The following ADGRL3 variants were observed in gnomAD, a reference collection of about 807,000 sequenced individuals.
ADGRL3 encodes calcium-independent alpha-latrotoxin receptor 3.
ADGRL3 carries 62 observed loss-of-function variants against 153.5 expected under a neutral mutation model. That is an observed-to-expected ratio of 0.40 (90% CI 0.33 to 0.50). ADGRL3 has a LOEUF of 0.50. Ranked by LOEUF, ADGRL3 falls within the 20% of genes least tolerant of loss-of-function variation. ADGRL3 has a pLI of 0.47. For missense variants in ADGRL3, 1,641 were observed against 1,859.4 expected, an observed-to-expected ratio of 0.88 and a Z score of 2.16; for synonymous variants, 710 against 672.5, an observed-to-expected ratio of 1.06 and a Z score of -0.86.
At chr4:61,444,651 T>C (rs1403043230) in intron 2 of ADGRL3, among the ~76,000 whole-genome samples, 1 of 152,140 alleles carries the variant, frequency 6.6e-6, no homozygotes, top group Non-Finnish European at 1.5e-5. Context: ...TTTTTTTTTA[T>C]TAGGCTGAAA....
chr4:61,792,631 A>T (rs2152439990), intron 8 of ADGRL3, among the ~76,000 whole-genome samples: 1 of 151,994 alleles, frequency 6.6e-6, no homozygotes, highest in African/African-American at 2.4e-5. Flanking sequence ...CTGGGATTAC[A>T]GGTGCATGCC....
chr4:62,064,287 C>T (rs183922988), intron 25 of ADGRL3, among the ~76,000 whole-genome samples: 236 of 151,816 alleles, frequency 1.6e-3, no homozygotes, highest in African/African-American at 5.3e-3. Context: ...AGTATGGTTC[C>T]TCTGTACATC....
chr4:61,487,634 T>C (rs189973170), intron 2 of ADGRL3, among the ~76,000 whole-genome samples: 1 of 152,226 alleles, frequency 6.6e-6, no homozygotes, highest in African/African-American at 2.4e-5. Flanking sequence ...ATCATAAAAA[T>C]CAATCCTTGA....
intron 17 of ADGRL3, among the ~76,000 whole-genome samples, chr4:61,954,581 G>A (rs757287680): frequency 1.9e-4 from 29 of 151,724 alleles, no homozygotes; most frequent in Non-Finnish European, 4.0e-4. Flanking sequence ...TCAAATCTTG[G>A]CCCGCATTAG....
intron 1 of ADGRL3, among the ~76,000 whole-genome samples, chr4:61,373,104 A>G (rs540465846): frequency 1.3e-5 from 2 of 151,934 alleles, no homozygotes; most frequent in Non-Finnish European, 2.9e-5. Flanking sequence ...GGGTGCGCAC[A>G]CTCACTGACC....
At chr4:61,977,758 G>A (rs1333076271) in intron 17 of ADGRL3, among the ~76,000 whole-genome samples, 1 of 152,062 alleles carries the variant, frequency 6.6e-6, no homozygotes, top group African/African-American at 2.4e-5. Context: ...ACCTGGATAT[G>A]TGTTTTTTAA....
rs938970685 is a variant in ADGRL3, at chr4:61,200,834, A to T, written c.-1171A>T. Among the ~76,000 whole-genome samples the T allele has an allele frequency of 6.6e-6, 1 of 151,094 alleles. No homozygotes were observed. The highest frequency in any genetic ancestry group is 1.5e-5 in the Non-Finnish European group (1 of 67,736). ...CCCGGGGCCGCGCGATGAAGCTCCC[A>T]CATGCCCGCAGCTGCCCGGCCCGGC... On this transcript the variant is annotated 5_prime_UTR_variant, in exon 1 of 27. Transcript: ENST00000683033.
At chr4:61,584,143 T>C (rs2098936963) in intron 4 of ADGRL3, among the ~76,000 whole-genome samples, 1 of 152,016 alleles carries the variant, frequency 6.6e-6, no homozygotes, top group Admixed American at 6.6e-5. Flanking sequence ...TTAAAAGTAA[T>C]TTAAATAGCT....
At chr4:61,273,309 G>A (rs988227180) in intron 1 of ADGRL3, among the ~76,000 whole-genome samples, 2 of 152,194 alleles carry the variant, frequency 1.3e-5, no homozygotes, top group Middle Eastern at 3.4e-3. Flanking sequence ...AAGGAATTAC[G>A]CAATATAGTG....
chr4:61,819,617 C>T (rs1298654141), intron 9 of ADGRL3, among the ~76,000 whole-genome samples: 2 of 151,940 alleles, frequency 1.3e-5, no homozygotes, highest in African/African-American at 4.8e-5. Flanking sequence ...ACTTAATTTT[C>T]TGTTATTCAT....
At chr4:61,575,894 G>C in intron 4 of ADGRL3, among the ~76,000 whole-genome samples, 1 of 151,928 alleles carries the variant, frequency 6.6e-6, no homozygotes, top group Non-Finnish European at 1.5e-5. Flanking sequence ...ACTTTCTATT[G>C]ATTTTTTTGT....
chr4:61,450,122 C>T (rs1323446900), intron 2 of ADGRL3, among the ~76,000 whole-genome samples: 1 of 152,124 alleles, frequency 6.6e-6, no homozygotes, highest in East Asian at 1.9e-4. Flanking sequence ...TATACAGTCA[C>T]TCAACCAAAG....
chr4:61,938,527 A>G (rs1404129961), intron 15 of ADGRL3, among the ~76,000 whole-genome samples: 1 of 152,162 alleles, frequency 6.6e-6, no homozygotes, highest in Non-Finnish European at 1.5e-5. Context: ...CCCAGAAGAT[A>G]TACTAGAGCA....
intron 2 of ADGRL3, among the ~76,000 whole-genome samples, chr4:61,411,453 G>A (rs1439661897): frequency 6.6e-6 from 1 of 152,028 alleles, no homozygotes; most frequent in East Asian, 1.9e-4. Flanking sequence ...AATTTTCCAG[G>A]CATCCCTCCT....
At chr4:61,653,726 T>A (rs1247544414) in intron 5 of ADGRL3, among the ~76,000 whole-genome samples, 3 of 152,288 alleles carry the variant, frequency 2.0e-5, no homozygotes, top group African/African-American at 4.8e-5. Context: ...ACCAGCAAAC[T>A]TTTTTCCATT....
chr4:61,352,216 A>G (rs1192512046), intron 1 of ADGRL3, among the ~76,000 whole-genome samples: 3 of 152,196 alleles, frequency 2.0e-5, no homozygotes, highest in Non-Finnish European at 2.9e-5. Flanking sequence ...AGAATTACCA[A>G]TGGAGATGGA....
At chr4:62,031,682 C>A in intron 23 of ADGRL3, 72 bp downstream of exon 23, 1 of 1,004,314 alleles carries the variant, frequency 1.0e-6, no homozygotes, top group Non-Finnish European at 1.5e-6. Context: ...ACAACATATT[C>A]TAATATATTA....
At chr4:61,640,989 A>C in intron 5 of ADGRL3, among the ~76,000 whole-genome samples, 1 of 152,166 alleles carries the variant, frequency 6.6e-6, no homozygotes, top group South Asian at 2.1e-4. Context: ...TTTGATCACT[A>C]TATATTGTTT....
intron 1 of ADGRL3, among the ~76,000 whole-genome samples, chr4:61,370,064 T>A (rs991191500): frequency 2.2e-4 from 33 of 152,190 alleles, no homozygotes; most frequent in Non-Finnish European, 4.4e-4. Context: ...TTCTGTGGGA[T>A]CGGTGGTGAT....
Sources: gnomAD v4.1 joint callset for allele counts (sites outside exome capture counted in the v4.1 genomes callset) on GRCh38, gnomAD v4.1.1 for gene constraint, MANE v1.5 for transcripts, NCBI Gene and HGNC (gene_info 2026-07-23, HGNC 2026-07-21) for gene names.